The following BIN1 variants were observed in gnomAD, a reference collection of about 807,000 sequenced individuals.
The protein encoded by BIN1 is myc box-dependent-interacting protein 1.
BIN1 carries 53 observed loss-of-function variants against 82.0 expected under a neutral mutation model. That is an observed-to-expected ratio of 0.65 (90% CI 0.52 to 0.81). The LOEUF (loss-of-function observed/expected upper bound fraction) is 0.81. BIN1 is among the 40% of genes least tolerant of loss of function. The probability of loss-of-function intolerance (pLI) is 0.00; values close to 1 mark genes in which losing one functional copy is unlikely to be tolerated. For missense variants in BIN1, 642 were observed against 784.4 expected, an observed-to-expected ratio of 0.82 and a Z score of 2.17; for synonymous variants, 302 against 328.0, an observed-to-expected ratio of 0.92 and a Z score of 0.86.
At chr2:127,062,692 C>T (rs1356216111) in intron 9 of BIN1, among the ~76,000 whole-genome samples, 2 of 152,248 alleles carry the variant, frequency 1.3e-5, no homozygotes, top group East Asian at 1.9e-4. Context: ...AGCTCAGAGC[C>T]GAATCTTCAT....
chr2:127,076,828 G>A (rs934272322), intron 1 of BIN1, 122 bp from the exon 2 acceptor site: 17 of 1,081,220 alleles, frequency 1.6e-5, no homozygotes, highest in Non-Finnish European at 2.1e-5. Flanking sequence ...ACATCACCCA[G>A]CCCAGGGTGC....
chr2:127,092,405 C>T (rs1289190710), intron 1 of BIN1, among the ~76,000 whole-genome samples: 1 of 152,200 alleles, frequency 6.6e-6, no homozygotes, highest in African/African-American at 2.4e-5. Context: ...GCCATCCCTC[C>T]CTGGGCATAA....
intron 7 of BIN1, 48 bp from the exon 8 acceptor site, chr2:127,064,066 C>T: frequency 6.2e-7 from 1 of 1,609,240 alleles, no homozygotes; most frequent in Non-Finnish European, 8.5e-7. Context: ...TCCCAGCCAG[C>T]CCAGCCCCAT....
At chr2:127,050,384 G>T in intron 18 of BIN1, 37 bp downstream of exon 18, 1 of 1,609,434 alleles carries the variant, frequency 6.2e-7, no homozygotes, top group Non-Finnish European at 8.5e-7. Flanking sequence ...GATGCCTGTG[G>T]TCCCCCTGCG....
In BIN1 at chr2:127,062,099, C is replaced by G. The variant is rs763068726; in HGVS notation, c.857+16G>C. 1 of 1,594,706 alleles carries G rather than the reference C, an allele frequency of 6.3e-7. No individual in the cohort carries two copies. The highest frequency in any genetic ancestry group is 8.5e-7 in the Non-Finnish European group (1 of 1,171,316). ...GTGCACACAGTCAGGGGCGCCAGGG[C>G]TCTCCCCGCACGCACCTGGGCTGGG... On this transcript the variant is annotated intron_variant, in intron 10 of 18. Coordinates refer to ENST00000316724, the MANE Select transcript of BIN1 (RefSeq NM_139343.3).
intron 1 of BIN1, among the ~76,000 whole-genome samples, chr2:127,100,409 C>T (rs998890100): frequency 2.6e-5 from 4 of 152,180 alleles, no homozygotes; most frequent in African/African-American, 7.2e-5. Context: ...GTCCGCTGGA[C>T]GCCTCCATCT....
intron 18 of BIN1, among the ~76,000 whole-genome samples, chr2:127,049,130 A>ACTCCT (rs1189505824): frequency 1.3e-5 from 2 of 151,538 alleles, no homozygotes; most frequent in Non-Finnish European, 2.9e-5. Flanking sequence ...ATGGCCATCC[A>ACTCCT]CTCCTGCCAG....
chr2:127,099,038 G>A (rs1369574507), intron 1 of BIN1, among the ~76,000 whole-genome samples: 1 of 152,174 alleles, frequency 6.6e-6, no homozygotes, highest in Non-Finnish European at 1.5e-5. Flanking sequence ...GCCGGGGCAG[G>A]GTGGGATCTG....
Position 127,048,352 on chromosome 2 carries a change from G to C in BIN1, c.*174C>G. On this transcript the variant is annotated 3_prime_UTR_variant, in exon 19 of 19. Coordinates refer to ENST00000316724, the MANE Select transcript of BIN1 (RefSeq NM_139343.3). ...ATTCCGCCGGACTTGCCGGGACGCG[G>C]CTCTTTGGAAAACGACCTAATCTTT... 1.6e-6 allele frequency: 1 copy of C among 639,118 alleles called. No homozygotes were observed. Among genetic ancestry groups the C allele is most frequent in the South Asian group, 1.9e-5 (1 of 53,322 alleles). The allele number at this position is 639,118 out of a possible 1,614,324, so 39.6% of individuals were successfully genotyped here.
At chr2:127,104,285 C>T (rs1321674386) in intron 1 of BIN1, among the ~76,000 whole-genome samples, 1 of 152,206 alleles carries the variant, frequency 6.6e-6, no homozygotes, top group East Asian at 1.9e-4. Flanking sequence ...CCTGCCGTGC[C>T]CTCAGGGATC....
In BIN1 at chr2:127,052,264, C is replaced by T. The variant is rs61748155; in HGVS notation, c.1362G>A (p.Gly454=). The change falls in exon 15 of 19, where the codon GGG becomes GGA. Residue 454 remains glycine (G), a synonymous_variant. Coordinates refer to ENST00000316724, the MANE Select transcript of BIN1 (RefSeq NM_139343.3). ...GGAGGTGGGCACTTACTTGGGCAGGCCCCGGCTCGGCCGTCTGGCTGGGCC... is the reference window on the plus strand; with the variant it reads ...GGAGGTGGGCACTTACTTGGGCAGGTCCCGGCTCGGCCGTCTGGCTGGGCC... ...VSWPSQTAEP[G]PAQPAEASEV... is the part of the protein sequence containing the mutation. The T allele has an allele frequency of 3.2e-6, 5 of 1,572,606 alleles. No individual in the cohort carries two copies. The African/African-American group carries it at 4.0e-5, about 13-fold the overall frequency.
At chr2:127,081,955 T>A in intron 1 of BIN1, 1 of 1,193,406 alleles carries the variant, frequency 8.4e-7, no homozygotes, top group Non-Finnish European at 1.1e-6. Context: ...ATGCACACCC[T>A]CGTGCCCCGG....
intron 1 of BIN1, among the ~76,000 whole-genome samples, chr2:127,087,939 T>C (rs1474066034): frequency 6.6e-6 from 1 of 152,094 alleles, no homozygotes; most frequent in Non-Finnish European, 1.5e-5. Context: ...ACAGAGGAGT[T>C]TCTAGAAGGG....
intron 15 of BIN1, among the ~76,000 whole-genome samples, chr2:127,051,769 C>T (rs755986232): frequency 2.0e-5 from 3 of 151,934 alleles, no homozygotes; most frequent in African/African-American, 4.8e-5. Context: ...CACCGCAGCA[C>T]GGGCACCGCA....
At chr2:127,084,447 G>A (rs546208189) in intron 1 of BIN1, among the ~76,000 whole-genome samples, 8 of 152,328 alleles carry the variant, frequency 5.3e-5, no homozygotes, top group Admixed American at 4.6e-4. Context: ...ATCTCCAGGC[G>A]CTTCCTTACT....
At chr2:127,077,417 C>T (rs112945580) in intron 1 of BIN1, among the ~76,000 whole-genome samples, 2,245 of 152,274 alleles carry the variant, frequency 0.015, 32 homozygotes, top group African/African-American at 0.038. Flanking sequence ...CCCTCAACCC[C>T]CCACGATGAG....
chr2:127,085,092 C>T (rs1361190178), intron 1 of BIN1, among the ~76,000 whole-genome samples: 1 of 152,074 alleles, frequency 6.6e-6, no homozygotes, highest in Non-Finnish European at 1.5e-5. Flanking sequence ...GGGGAGGGCA[C>T]CCAGACCTGC....
In BIN1 at chr2:127,068,128, G is replaced by A. The variant is rs200872222; in HGVS notation, c.612+35C>T. 7.5e-6 allele frequency: 12 copies of A among 1,595,196 alleles called. No individual in the cohort carries two copies. The highest frequency in any genetic ancestry group is 2.7e-5 in the African/African-American group (2 of 74,578). On this transcript the variant is annotated intron_variant, in intron 7 of 18. Transcript: ENST00000316724. The surrounding 1 kb of genome is among the most constrained non-coding windows in gnomAD (Gnocchi z 4.9). Reference sequence around the variant, plus strand: ...AGAGGACAGGACGACAGACCGGAAGGCGCCAGCACGTGCAAGGTTAGAAGC... The same window carrying A: ...AGAGGACAGGACGACAGACCGGAAGACGCCAGCACGTGCAAGGTTAGAAGC...
At chr2:127,091,294 C>T (rs1395277662) in intron 1 of BIN1, among the ~76,000 whole-genome samples, 1 of 152,172 alleles carries the variant, frequency 6.6e-6, no homozygotes, top group East Asian at 1.9e-4. Flanking sequence ...AGGCCTTCCT[C>T]TACCCAGTGC....
Sources: gnomAD v4.1 joint callset for allele counts (sites outside exome capture counted in the v4.1 genomes callset) on GRCh38, gnomAD v4.1.1 for gene constraint, Gnocchi (gnomAD v3.1) non-coding constraint, MANE v1.5 for transcripts, NCBI Gene and HGNC (gene_info 2026-07-23, HGNC 2026-07-21) for gene names.